Variants in MEIKIN observed in about 807,000 individuals in gnomAD.
The protein encoded by MEIKIN is meiotic kinetochore factor.
At chr5:131,845,256 C>T (rs545077691) in intron 11 of MEIKIN, among the ~76,000 whole-genome samples, 133 of 106,052 alleles carry the variant, frequency 1.3e-3, no homozygotes, top group African/African-American at 5.4e-3. Context: ...GGTGACAGAG[C>T]GAGAAGACTT....
In MEIKIN at chr5:131,945,223, C is replaced by T. The variant is rs1035406643; in HGVS notation, c.133G>A (p.Gly45Ser). Reference sequence around the variant, plus strand: ...GCTTTCTCTGCAATCTTCGACAAGCCGTGCACTTTGCCTTTTCTCTTCGAA... The same window carrying T: ...GCTTTCTCTGCAATCTTCGACAAGCTGTGCACTTTGCCTTTTCTCTTCGAA... ...PGSKRKGKVHGLSKIAEKAER... is the reference protein window; with the variant it reads ...PGSKRKGKVHSLSKIAEKAER... Residue 45 changes from glycine to serine, a missense_variant, in exon 2 of 13, where the codon GGC (glycine) becomes AGC (serine). By Grantham distance (56) the Gly-to-Ser change is moderately conservative. Coordinates refer to ENST00000442687, the MANE Select transcript of MEIKIN (RefSeq NM_001303622.2). The T allele has an allele frequency of 3.0e-5, 12 of 399,158 alleles. No homozygotes were observed. The highest frequency in any genetic ancestry group is 2.6e-4 in the Admixed American group (6 of 22,722). 24.7% of individuals were successfully genotyped at this position (399,158 alleles called of 1,614,324 possible). A position where few individuals can be genotyped will look rare whatever the true frequency, so the allele number is the denominator to read the frequency against.
chr5:131,844,756 T>C (rs1325056781), intron 11 of MEIKIN, among the ~76,000 whole-genome samples: 1 of 152,186 alleles, frequency 6.6e-6, no homozygotes, highest in Non-Finnish European at 1.5e-5. Flanking sequence ...AAGAACCCTT[T>C]TTTTCTCAAT....
At chr5:131,892,356 T>C (rs1021389177) in intron 8 of MEIKIN, among the ~76,000 whole-genome samples, 6 of 152,200 alleles carry the variant, frequency 3.9e-5, no homozygotes, top group Non-Finnish European at 7.3e-5. Context: ...GGTACACCAA[T>C]CAGACGTAAT....
At chr5:131,913,478 CAAATGGT>C (rs1751362433) in intron 7 of MEIKIN, among the ~76,000 whole-genome samples, 1 of 152,158 alleles carries the variant, frequency 6.6e-6, no homozygotes, top group Admixed American at 6.5e-5. Context: ...TTGAACCTTC[CAAATGGT>C]TCTCTTGGAG....
chr5:131,940,852 A>G (rs931608455), intron 4 of MEIKIN, among the ~76,000 whole-genome samples: 4 of 152,194 alleles, frequency 2.6e-5, no homozygotes, highest in Non-Finnish European at 5.9e-5. Context: ...GTTAACAAAC[A>G]TAAGAATTGA....
At chr5:131,932,793 T>G (rs1427904456) in intron 5 of MEIKIN, among the ~76,000 whole-genome samples, 1 of 152,186 alleles carries the variant, frequency 6.6e-6, no homozygotes, top group Non-Finnish European at 1.5e-5. Context: ...TAACCACATC[T>G]TTCATGTTTT....
chr5:131,863,844 G>C (rs1750332655), intron 9 of MEIKIN, among the ~76,000 whole-genome samples: 1 of 152,062 alleles, frequency 6.6e-6, no homozygotes, highest in Non-Finnish European at 1.5e-5. Context: ...TTTTGAAAAT[G>C]AAAGTTTGCC....
chr5:131,886,726 T>C (rs1750803837), intron 8 of MEIKIN, among the ~76,000 whole-genome samples: 1 of 152,182 alleles, frequency 6.6e-6, no homozygotes, highest in Non-Finnish European at 1.5e-5. Context: ...ACGAAACTCA[T>C]TGGTAATAAT....
intron 9 of MEIKIN, among the ~76,000 whole-genome samples, chr5:131,857,300 A>T (rs551073245): frequency 6.6e-6 from 1 of 152,224 alleles, no homozygotes; most frequent in Non-Finnish European, 1.5e-5. Context: ...TTTTCTGGAA[A>T]AAAATAACGT....
intron 11 of MEIKIN, among the ~76,000 whole-genome samples, chr5:131,838,193 G>C (rs1282233519): frequency 6.6e-6 from 1 of 152,044 alleles, no homozygotes; most frequent in Non-Finnish European, 1.5e-5. Flanking sequence ...TGCATCCCAG[G>C]GATAAAGCCT....
chr5:131,933,760 G>A (rs519240), intron 4 of MEIKIN, 119 bp from the exon 5 acceptor site: 121,169 of 385,084 alleles, frequency 0.31, 22,623 homozygotes, highest in African/African-American at 0.61. Context: ...TAGAACATAA[G>A]ACTGCTTCTA....
intron 4 of MEIKIN, among the ~76,000 whole-genome samples, chr5:131,942,333 C>G (rs1206280602): frequency 6.6e-6 from 1 of 152,234 alleles, no homozygotes; most frequent in Non-Finnish European, 1.5e-5. Flanking sequence ...AATTTCTACT[C>G]TCCTTCAGAT....
chr5:131,894,608 C>A (rs950547161), intron 8 of MEIKIN, among the ~76,000 whole-genome samples: 1 of 152,164 alleles, frequency 6.6e-6, no homozygotes, highest in African/African-American at 2.4e-5. Context: ...TTGAAGAGGT[C>A]ATTTGCATCC....
At chr5:131,821,795 G>GC (rs1749511883) in intron 11 of MEIKIN, among the ~76,000 whole-genome samples, 1 of 151,570 alleles carries the variant, frequency 6.6e-6, no homozygotes. Flanking sequence ...ACTATGCCTG[G>GC]CTTTTTTTTT....
At chr5:131,910,319 C>T (rs1227586050) in intron 8 of MEIKIN, among the ~76,000 whole-genome samples, 1 of 152,064 alleles carries the variant, frequency 6.6e-6, no homozygotes, top group African/African-American at 2.4e-5. Context: ...AAACCAGGCA[C>T]AGAAGGACAA....
chr5:131,875,311 T>C (rs567175460), intron 9 of MEIKIN, among the ~76,000 whole-genome samples: 2 of 152,240 alleles, frequency 1.3e-5, no homozygotes, highest in East Asian at 3.9e-4. Context: ...AGATACAAAA[T>C]CAATGTACAA....
chr5:131,815,381 T>TC (rs1773083408), intron 12 of MEIKIN, among the ~76,000 whole-genome samples: 1 of 152,182 alleles, frequency 6.6e-6, no homozygotes, highest in Non-Finnish European at 1.5e-5. Flanking sequence ...GTACTTTTTT[T>TC]CCCTCCATAG....
chr5:131,941,767 T>C (rs1751873732), intron 4 of MEIKIN, among the ~76,000 whole-genome samples: 1 of 152,224 alleles, frequency 6.6e-6, no homozygotes, highest in Non-Finnish European at 1.5e-5. Context: ...TACTAAAAAC[T>C]GAATTTCTAG....
At chr5:131,879,251 A>T (rs1750665214) in intron 8 of MEIKIN, among the ~76,000 whole-genome samples, 1 of 152,232 alleles carries the variant, frequency 6.6e-6, no homozygotes, top group Non-Finnish European at 1.5e-5. Context: ...TAAGAGCTCC[A>T]GGTTTCACAG....
Sources: gnomAD v4.1 joint callset for allele counts (sites outside exome capture counted in the v4.1 genomes callset) on GRCh38, gnomAD v4.1.1 for gene constraint, MANE v1.5 for transcripts, NCBI Gene and HGNC (gene_info 2026-07-23, HGNC 2026-07-21) for gene names.